LRCH1: variants seen among roughly 807,000 people sequenced by gnomAD.
The protein encoded by LRCH1 is leucine-rich repeat and calponin homology domain-containing protein 1.
Under a neutral mutation model 94.9 loss-of-function variants are expected in LRCH1, and 23 were observed. The observed-to-expected ratio is 0.24, with a 90% CI of 0.17 to 0.34. LRCH1 has a LOEUF of 0.34. LRCH1 is among the 10% of genes least tolerant of loss of function. The pLI is 1.00. For missense variants in LRCH1, 790 were observed against 945.9 expected, an observed-to-expected ratio of 0.84 and a Z score of 2.16; for synonymous variants, 364 against 354.9, an observed-to-expected ratio of 1.03 and a Z score of -0.29.
At chr13:46,747,518 A>T (rs952548349), downstream of LRCH1, among the ~76,000 whole-genome samples, 1 of 152,242 alleles carries the variant, frequency 6.6e-6, no homozygotes. Flanking sequence ...TGTCGTTCAC[A>T]GAGATTAGGC....
At chr13:46,610,677 T>C (rs539549971) in intron 1 of LRCH1, among the ~76,000 whole-genome samples, 14 of 152,316 alleles carry the variant, frequency 9.2e-5, no homozygotes, top group Non-Finnish European at 2.1e-4. Flanking sequence ...AGCTGAGTAG[T>C]ATTCCATTAT....
At chr13:46,639,758 G>T (rs1013692653) in intron 1 of LRCH1, among the ~76,000 whole-genome samples, 13 of 152,200 alleles carry the variant, frequency 8.5e-5, no homozygotes, top group Admixed American at 6.5e-4. Context: ...CCCAAGCAGT[G>T]TTGTACCTGC....
chr13:46,680,363 A>G (rs2051734766), intron 3 of LRCH1, among the ~76,000 whole-genome samples: 1 of 152,192 alleles, frequency 6.6e-6, no homozygotes, highest in African/African-American at 2.4e-5. Flanking sequence ...CCTCCCACCC[A>G]GGAGCTCATA....
At chr13:46,679,548 C>T (rs772621318) in intron 3 of LRCH1, among the ~76,000 whole-genome samples, 3 of 152,166 alleles carry the variant, frequency 2.0e-5, no homozygotes, top group Non-Finnish European at 2.9e-5. Flanking sequence ...CTTCCTTTGA[C>T]GTTTTTGTCT....
chr13:46,651,382 G>A (rs1466612947), intron 2 of LRCH1, among the ~76,000 whole-genome samples: 1 of 152,154 alleles, frequency 6.6e-6, no homozygotes, highest in Non-Finnish European at 1.5e-5. Context: ...ATGAGTTTCT[G>A]GCCGGGTGTG....
intron 1 of LRCH1, among the ~76,000 whole-genome samples, chr13:46,589,033 CCTCT>C (rs2050467776): frequency 1.3e-5 from 2 of 149,534 alleles, no homozygotes; most frequent in Non-Finnish European, 1.5e-5. Context: ...TGATGCTTAC[CCTCT>C]CTCTCTATAT....
chr13:46,641,632 A>G (rs1348395326), intron 1 of LRCH1, among the ~76,000 whole-genome samples: 1 of 152,170 alleles, frequency 6.6e-6, no homozygotes, highest in Non-Finnish European at 1.5e-5. Flanking sequence ...GTTGCAAACG[A>G]GGTTCCCAGC....
intron 3 of LRCH1, chr13:46,680,073 G>A (rs939832098): frequency 2.0e-5 from 3 of 152,204 alleles, no homozygotes; most frequent in Non-Finnish European, 2.9e-5. Context: ...AAAGGGGAGA[G>A]CTTTTCCAGG....
At chr13:46,745,087 G>A (rs550160943), downstream of LRCH1, among the ~76,000 whole-genome samples, 1 of 152,264 alleles carries the variant, frequency 6.6e-6, no homozygotes, top group Non-Finnish European at 1.5e-5. Flanking sequence ...ACAGTCTATA[G>A]CAGGAGTCTG....
chr13:46,678,086 G>C (rs540013937), intron 3 of LRCH1, among the ~76,000 whole-genome samples: 1 of 152,136 alleles, frequency 6.6e-6, no homozygotes, highest in South Asian at 2.1e-4. Context: ...CGAAGTTGAG[G>C]CATTAGTGTT....
In LRCH1 at chr13:46,743,743, A is replaced by G; in HGVS notation, c.*1895A>G. 1.0e-6 allele frequency: 1 copy of G among 985,298 alleles called. No homozygotes were observed. Among genetic ancestry groups the G allele is most frequent in the Non-Finnish European group, 1.2e-6 (1 of 829,836 alleles). 61.0% of individuals were successfully genotyped at this position (985,298 alleles called of 1,614,324 possible). A position where few individuals can be genotyped will look rare whatever the true frequency, so the allele number is the denominator to read the frequency against. ...TCTGGGGAGAAAATGGGAAAAAAAA[A>G]AAGAAAACTTACTGGGTTGCCACCT... On this transcript the variant is annotated 3_prime_UTR_variant, in exon 20 of 20. Transcript: ENST00000389797.
intron 1 of LRCH1, among the ~76,000 whole-genome samples, chr13:46,560,285 T>C (rs1469866620): frequency 6.6e-6 from 1 of 152,122 alleles, no homozygotes; most frequent in African/African-American, 2.4e-5. Flanking sequence ...ATTAACTCCA[T>C]ATAAGGTGGT....
In LRCH1 at chr13:46,741,704, T is replaced by C; in HGVS notation, c.2148T>C (p.Val716=). 1 of 1,614,242 alleles carries C rather than the reference T, an allele frequency of 6.2e-7. No individual in the cohort carries two copies. Among genetic ancestry groups the C allele is most frequent in the Non-Finnish European group, 8.5e-7 (1 of 1,180,042 alleles). ...QLDFRHIRKT[V]DTLLALGEKA... Reference sequence around the variant, plus strand: ...ATTTTCGTCACATTCGAAAGACTGTTGACACTCTGCTGGCACTCGGGGAGA... The same window carrying C: ...ATTTTCGTCACATTCGAAAGACTGTCGACACTCTGCTGGCACTCGGGGAGA... The change falls in exon 20 of 20, where the codon GTT becomes GTC. Residue 716 remains valine, a synonymous_variant. Transcript: ENST00000389797.
intron 1 of LRCH1, among the ~76,000 whole-genome samples, chr13:46,643,739 G>C (rs1300896780): frequency 6.6e-6 from 1 of 152,034 alleles, no homozygotes; most frequent in African/African-American, 2.4e-5. Flanking sequence ...CAAAGTTGAG[G>C]ATTAAATGAT....
intron 3 of LRCH1, among the ~76,000 whole-genome samples, chr13:46,679,073 C>T (rs1294525025): frequency 6.6e-6 from 1 of 152,212 alleles, no homozygotes; most frequent in Admixed American, 6.5e-5. Context: ...CTCGTGCTGT[C>T]ACTCACAAGA....
chr13:46,672,403 A>G (rs2051612896), intron 3 of LRCH1, among the ~76,000 whole-genome samples: 1 of 151,562 alleles, frequency 6.6e-6, no homozygotes, highest in South Asian at 2.1e-4. Context: ...AATCTTCTGG[A>G]ACTTTTTGGT....
intron 1 of LRCH1, among the ~76,000 whole-genome samples, chr13:46,615,477 T>C (rs535126614): frequency 6.6e-6 from 1 of 152,156 alleles, no homozygotes; most frequent in Non-Finnish European, 1.5e-5. Context: ...ACCTCCAACA[T>C]TGGAGGTCAC....
At chr13:46,686,669 A>G (rs561785724) in intron 5 of LRCH1, among the ~76,000 whole-genome samples, 3 of 152,242 alleles carry the variant, frequency 2.0e-5, no homozygotes, top group Admixed American at 6.5e-5. Context: ...TGAGACCTTC[A>G]TTTTGGGGTA....
intron 1 of LRCH1, among the ~76,000 whole-genome samples, chr13:46,624,679 G>A (rs1434913599): frequency 2.0e-5 from 3 of 152,174 alleles, no homozygotes; most frequent in African/African-American, 7.2e-5. Context: ...AGGTAGGGGA[G>A]CCTCCTTGCA....
Sources: allele counts gnomAD v4.1 joint callset (sites outside exome capture counted in the v4.1 genomes callset), GRCh38; gene constraint gnomAD v4.1.1; transcripts MANE v1.5; gene names NCBI Gene and HGNC (gene_info 2026-07-23, HGNC 2026-07-21).